Variants in B4GALT1 observed in about 807,000 individuals in gnomAD.
The protein encoded by B4GALT1 is N-acetyllactosamine synthase.
A neutral mutation model predicts 34.9 loss-of-function variants in B4GALT1; 16 were observed. The ratio of observed to expected loss-of-function variants is 0.46; its 90% CI spans 0.31 to 0.70. The LOEUF (loss-of-function observed/expected upper bound fraction) is 0.70, where lower values mean the gene tolerates loss of function less well. Among genes scored for constraint, B4GALT1 ranks in the 30% least tolerant of loss-of-function variants. The pLI, the probability that B4GALT1 is intolerant of heterozygous loss-of-function variation, is 0.05. For missense variants in B4GALT1, 445 were observed against 530.5 expected (o/e 0.84, Z 1.58); for synonymous variants, 221 against 218.1 (o/e 1.01, Z -0.12).
chr9:33,181,478 AGT>A, the B4GALT1 span, among the ~76,000 whole-genome samples: 1 of 147,648 alleles, frequency 6.8e-6, no homozygotes, highest in Middle Eastern at 3.6e-3. Context: ...CTTAGATAAG[AGT>A]GTAGTTTGCA....
At chr9:33,184,616 C>G in the B4GALT1 span, among the ~76,000 whole-genome samples, 49 of 152,302 alleles carry the variant, frequency 3.2e-4, no homozygotes, top group African/African-American at 1.1e-3. Flanking sequence ...ACCTGGGGAG[C>G]TGTTAAAATG....
intron 2 of B4GALT1, among the ~76,000 whole-genome samples, chr9:33,105,059 A>G (rs1839785579): frequency 6.6e-6 from 1 of 151,866 alleles, no homozygotes; most frequent in Non-Finnish European, 1.5e-5. Flanking sequence ...ACCTCAAGTG[A>G]TCCGCCCACC....
At chr9:33,180,932 A>G in the B4GALT1 span, among the ~76,000 whole-genome samples, 1 of 152,216 alleles carries the variant, frequency 6.6e-6, no homozygotes, top group African/African-American at 2.4e-5. Context: ...TAATTGTACT[A>G]TCATCCAACC....
chr9:33,167,372 AGGGGCGGG>A, upstream of B4GALT1: 1 of 407,408 alleles, frequency 2.5e-6, no homozygotes, highest in Non-Finnish European at 3.5e-6. Flanking sequence ...CGGAGAGGGG[AGGGGCGGG>A]GCCCCGGCGA....
the B4GALT1 span, among the ~76,000 whole-genome samples, chr9:33,181,422 T>TCACACACA: frequency 2.1e-4 from 6 of 28,588 alleles, no homozygotes; most frequent in Admixed American, 7.6e-4. Context: ...AGACCCTGTC[T>TCACACACA]TACACACACA....
chr9:33,129,658 GT>G (rs1840164635), intron 2 of B4GALT1, among the ~76,000 whole-genome samples: 1 of 152,244 alleles, frequency 6.6e-6, no homozygotes, highest in African/African-American at 2.4e-5. Flanking sequence ...GGGGGCTGGG[GT>G]GAGGCTGGAA....
At position 33,120,434 on chromosome 9, in the gene B4GALT1, T is replaced by C; in HGVS notation, c.821A>G (p.Asp274Gly). ...TATCTCTTACCTGAATCCAAACTTA[T>C]CCATTGCAACGGAAATGTGCCGTGG... is the stretch of plus-strand genomic sequence containing the variant. ...SQPRHISVAMDKFGFSLPYVQ... is the reference protein window; with the variant it reads ...SQPRHISVAMGKFGFSLPYVQ... The change falls in exon 3 of 6, where the codon GAT (aspartate) becomes GGT (glycine). Residue 274 changes from aspartate to glycine, a missense_variant. By Grantham distance (94) the Asp-to-Gly change is moderately conservative. Transcript: ENST00000379731. The C allele has an allele frequency of 6.2e-7, 1 of 1,613,242 alleles. No individual in the cohort carries two copies. Among genetic ancestry groups the C allele is most frequent in the Non-Finnish European group, 8.5e-7 (1 of 1,180,010 alleles).
chr9:33,126,663 A>AACATTGTTAACTATTGT (rs1554685864), intron 2 of B4GALT1, among the ~76,000 whole-genome samples: 1 of 151,394 alleles, frequency 6.6e-6, no homozygotes, highest in African/African-American at 2.4e-5. Flanking sequence ...AACCATAGCA[A>AACATTGTTAACTATTGT]TATGGTAGCT....
chr9:33,174,979 AAAAAAAAAAAAATATATATATAT>A, the B4GALT1 span, among the ~76,000 whole-genome samples: 2 of 43,306 alleles, frequency 4.6e-5, no homozygotes, highest in African/African-American at 7.4e-5. Context: ...AAAAAAAAAA[AAAAAAAAAAAAATATATATATAT>A]ATATATATAT....
intron 2 of B4GALT1, among the ~76,000 whole-genome samples, chr9:33,126,053 T>A (rs1188547545): frequency 6.6e-6 from 1 of 152,188 alleles, no homozygotes; most frequent in Non-Finnish European, 1.5e-5. Flanking sequence ...ACACATGCCC[T>A]GGCTCATCAC....
At chr9:33,150,492 G>A (rs1840500887) in intron 1 of B4GALT1, among the ~76,000 whole-genome samples, 1 of 151,292 alleles carries the variant, frequency 6.6e-6, no homozygotes, top group Non-Finnish European at 1.5e-5. Context: ...TTAAAAAAAT[G>A]TATATATACT....
the B4GALT1 span, among the ~76,000 whole-genome samples, chr9:33,181,980 A>G: frequency 7.1e-6 from 1 of 140,334 alleles, no homozygotes. Flanking sequence ...TTTTTTTTAG[A>G]TAGGGTTTCA....
At chr9:33,116,803 A>G (rs1839946272) in intron 3 of B4GALT1, among the ~76,000 whole-genome samples, 1 of 152,054 alleles carries the variant, frequency 6.6e-6, no homozygotes, top group Admixed American at 6.6e-5. Flanking sequence ...GATCACAGGC[A>G]AGAGCCACCA....
chr9:33,147,899 T>A (rs1005685329), intron 1 of B4GALT1, among the ~76,000 whole-genome samples: 2 of 152,062 alleles, frequency 1.3e-5, no homozygotes, highest in Non-Finnish European at 1.5e-5. Flanking sequence ...CCAAGTCTGG[T>A]GGTGCATACC....
intron 1 of B4GALT1, among the ~76,000 whole-genome samples, chr9:33,155,864 T>G (rs1840587371): frequency 6.6e-6 from 1 of 152,180 alleles, no homozygotes; most frequent in African/African-American, 2.4e-5. Context: ...ACTAACCTCA[T>G]TCACTCCTCT....
At chr9:33,135,523 G>C in intron 1 of B4GALT1, 99 bp from the exon 2 acceptor site, 1 of 1,243,492 alleles carries the variant, frequency 8.0e-7, no homozygotes, top group Non-Finnish European at 1.2e-6. Context: ...AGCTGCAGAG[G>C]AAATGTCTCC....
At chr9:33,154,035 G>GGA (rs1840562177) in intron 1 of B4GALT1, among the ~76,000 whole-genome samples, 1 of 53,358 alleles carries the variant, frequency 1.9e-5, no homozygotes, top group African/African-American at 7.2e-5. Flanking sequence ...GGAAGGAAGG[G>GGA]AGGGAGGGAG....
At chr9:33,180,230 A>G in the B4GALT1 span, among the ~76,000 whole-genome samples, 16,294 of 151,814 alleles carry the variant, frequency 0.11, 1,385 homozygotes, top group African/African-American at 0.24. Flanking sequence ...ATGCTTCCTT[A>G]TTGAGTTCCT....
intron 2 of B4GALT1, among the ~76,000 whole-genome samples, chr9:33,124,719 A>G (rs1840068004): frequency 6.6e-6 from 1 of 152,228 alleles, no homozygotes; most frequent in Non-Finnish European, 1.5e-5. Context: ...CAGTCAGACC[A>G]TTCCAAATGT....
Sources: gnomAD v4.1 joint callset for allele counts (sites outside exome capture counted in the v4.1 genomes callset) on GRCh38, gnomAD v4.1.1 for gene constraint, MANE v1.5 for transcripts, NCBI Gene and HGNC (gene_info 2026-07-23, HGNC 2026-07-21) for gene names.